The following TMCC1 variants were observed in gnomAD, a reference collection of about 807,000 sequenced individuals.
TMCC1 encodes the protein transmembrane and coiled-coil domains protein 1.
Under a neutral mutation model 52.4 loss-of-function variants are expected in TMCC1, and 15 were observed. The observed-to-expected ratio is 0.29, with a 90% CI of 0.19 to 0.44. The LOEUF is 0.44. Ranked by LOEUF, TMCC1 falls within the 20% of genes least tolerant of loss-of-function variation. The probability of loss-of-function intolerance (pLI) is 1.00; values close to 1 mark genes in which losing one functional copy is unlikely to be tolerated. For synonymous variants in TMCC1, 279 were observed against 301.9 expected (o/e 0.92, Z 0.79); for missense variants, 503 against 806.0 (o/e 0.62, Z 4.55).
chr3:129,728,514 G>T (rs2050285943), intron 4 of TMCC1, among the ~76,000 whole-genome samples: 1 of 152,166 alleles, frequency 6.6e-6, no homozygotes, highest in Admixed American at 6.5e-5. Context: ...TTGAACTCCT[G>T]ACCTTGTGAT....
chr3:129,870,755 ATCT>A (rs1320987656), intron 2 of TMCC1, among the ~76,000 whole-genome samples: 1 of 13,900 alleles, frequency 7.2e-5, no homozygotes, highest in Non-Finnish European at 1.9e-4. Context: ...GCAAGACTCC[ATCT>A]CAAAAAAAAA....
At chr3:129,872,227 C>A (rs966900175) in intron 2 of TMCC1, among the ~76,000 whole-genome samples, 6 of 152,150 alleles carry the variant, frequency 3.9e-5, no homozygotes, top group African/African-American at 2.4e-5. Flanking sequence ...TGGTTTCAGG[C>A]AATATGGCTA....
chr3:129,768,407 A>C (rs2054294402), intron 4 of TMCC1, among the ~76,000 whole-genome samples: 1 of 152,196 alleles, frequency 6.6e-6, no homozygotes, highest in Admixed American at 6.5e-5. Context: ...CTGCAAGTTT[A>C]TACAAAAACA....
chr3:129,694,346 A>G (rs2047240435), intron 4 of TMCC1, among the ~76,000 whole-genome samples: 1 of 152,244 alleles, frequency 6.6e-6, no homozygotes, highest in Non-Finnish European at 1.5e-5. Flanking sequence ...TGTATGACTA[A>G]CTAGCACTGT....
intron 4 of TMCC1, among the ~76,000 whole-genome samples, chr3:129,715,319 G>A (rs1258565007): frequency 2.6e-5 from 4 of 152,222 alleles, no homozygotes; most frequent in Non-Finnish European, 4.4e-5. Context: ...AGCACTTTGG[G>A]AGGCCGAGGC....
chr3:129,793,166 AACACAC>A (rs149082077), intron 4 of TMCC1, among the ~76,000 whole-genome samples: 3 of 148,438 alleles, frequency 2.0e-5, no homozygotes, highest in Non-Finnish European at 1.5e-5. Flanking sequence ...GAGGCCTTCA[AACACAC>A]ACACACACAC....
Position 129,804,593 on chromosome 3 carries a change from T to C in TMCC1, c.576+23210A>G, listed in dbSNP as rs560547282. On this transcript the variant is annotated intron_variant, in intron 4 of 6. Transcript: ENST00000393238. ...ACACAGAGTAAACTAAATTAAGTAA[T>C]ACTATTTTGGCTAAATTGAAATTTG... is the stretch of plus-strand genomic sequence containing the variant. 5.9e-5 allele frequency among the ~76,000 whole-genome samples: 9 copies of C among 152,330 alleles called. No homozygotes were observed. In the South Asian group the frequency reaches 1.2e-3, roughly 21 times the overall value.
chr3:129,716,161 T>C (rs1232520707), intron 4 of TMCC1, among the ~76,000 whole-genome samples: 4 of 20,046 alleles, frequency 2.0e-4, no homozygotes, highest in African/African-American at 3.0e-4. Context: ...TTTTCTTTTT[T>C]CTTTGTTTTT....
chr3:129,881,067 T>C (rs1319246921), intron 1 of TMCC1, among the ~76,000 whole-genome samples: 1 of 152,096 alleles, frequency 6.6e-6, no homozygotes, highest in Non-Finnish European at 1.5e-5. Flanking sequence ...TTTCACCATG[T>C]TGGCCAGGCT....
intron 4 of TMCC1, among the ~76,000 whole-genome samples, chr3:129,728,932 T>C (rs1259867135): frequency 6.6e-6 from 1 of 152,210 alleles, no homozygotes; most frequent in Non-Finnish European, 1.5e-5. Flanking sequence ...TAGTAGTTCA[T>C]TGTATGTATA....
Position 129,893,482 on chromosome 3 carries a change from G to A in TMCC1, c.-435+12C>T, listed in dbSNP as rs2062081907. ...ACCGCCGCCAGCGTCCGGGGCGGGG[G>A]CGCTCACTCACCGGCGGGGAGGGGA... On this transcript the variant is annotated intron_variant, in intron 1 of 6. Coordinates refer to ENST00000393238, the MANE Select transcript of TMCC1 (RefSeq NM_001017395.5). The A allele has an allele frequency of 6.6e-6, 1 of 152,038 alleles. No homozygotes were observed. The highest frequency in any genetic ancestry group is 1.5e-5 in the Non-Finnish European group (1 of 68,082). The allele number at this position is 152,038 out of a possible 1,614,324, so 9.4% of individuals were successfully genotyped here. A position where few individuals can be genotyped will look rare whatever the true frequency, so the allele number is the denominator to read the frequency against.
At chr3:129,884,749 T>G (rs1292646287) in intron 1 of TMCC1, among the ~76,000 whole-genome samples, 1 of 152,220 alleles carries the variant, frequency 6.6e-6, no homozygotes, top group African/African-American at 2.4e-5. Flanking sequence ...AGGGCTTGCC[T>G]ACAGAGAAAT....
chr3:129,693,377 G>C (rs1289696238), intron 4 of TMCC1, among the ~76,000 whole-genome samples: 1 of 151,974 alleles, frequency 6.6e-6, no homozygotes, highest in Non-Finnish European at 1.5e-5. Context: ...TACAATTGTA[G>C]TACCTTATCT....
At chr3:129,682,646 T>C (rs1219683331) in intron 4 of TMCC1, among the ~76,000 whole-genome samples, 1 of 152,174 alleles carries the variant, frequency 6.6e-6, no homozygotes, top group Non-Finnish European at 1.5e-5. Context: ...CTCAATTGCC[T>C]AATGGCTATT....
chr3:129,710,056 T>C (rs939957809), intron 4 of TMCC1, among the ~76,000 whole-genome samples: 2 of 151,912 alleles, frequency 1.3e-5, no homozygotes, highest in Non-Finnish European at 2.9e-5. Flanking sequence ...CATGGTGGCA[T>C]GTGCCTGTAG....
At chr3:129,813,255 A>G (rs1419278871) in intron 4 of TMCC1, among the ~76,000 whole-genome samples, 1 of 152,208 alleles carries the variant, frequency 6.6e-6, no homozygotes, top group African/African-American at 2.4e-5. Flanking sequence ...CAGTCTGGCG[A>G]TTTCTCAAAT....
At chr3:129,866,263 T>C (rs1052142033) in intron 2 of TMCC1, among the ~76,000 whole-genome samples, 25 of 144,902 alleles carry the variant, frequency 1.7e-4, no homozygotes, top group Non-Finnish European at 3.1e-4. Flanking sequence ...ATATATATTA[T>C]ACATATATAA....
At chr3:129,770,636 T>C (rs753629017) in intron 4 of TMCC1, among the ~76,000 whole-genome samples, 1 of 149,908 alleles carries the variant, frequency 6.7e-6, no homozygotes, top group African/African-American at 2.4e-5. Flanking sequence ...TGAAATGAAA[T>C]AAAATAAAAT....
intron 4 of TMCC1, among the ~76,000 whole-genome samples, chr3:129,691,598 T>C (rs2047032754): frequency 6.6e-6 from 1 of 152,064 alleles, no homozygotes; most frequent in African/African-American, 2.4e-5. Context: ...CTGGGCAACA[T>C]AACAAGACCC....
Sources: gnomAD v4.1 joint callset for allele counts (sites outside exome capture counted in the v4.1 genomes callset) on GRCh38, gnomAD v4.1.1 for gene constraint, MANE v1.5 for transcripts, NCBI Gene and HGNC (gene_info 2026-07-23, HGNC 2026-07-21) for gene names.